Variants in ROBO1 observed in about 807,000 individuals in gnomAD.
The protein encoded by ROBO1 is roundabout homolog 1.
ROBO1 carries 149 observed loss-of-function variants against 195.9 expected under a neutral mutation model. That is an observed-to-expected ratio of 0.76 (90% CI 0.67 to 0.87). The LOEUF (loss-of-function observed/expected upper bound fraction) is 0.87. Among genes scored for constraint, ROBO1 ranks in the 40% least tolerant of loss-of-function variants. The pLI is 0.00. For synonymous variants in ROBO1, 816 were observed against 733.2 expected, an observed-to-expected ratio of 1.11 and a Z score of -1.82; for missense variants, 1,933 against 2,068.3, an observed-to-expected ratio of 0.93 and a Z score of 1.27.
intron 2 of ROBO1, among the ~76,000 whole-genome samples, chr3:79,325,808 G>A (rs189318577): frequency 1.9e-4 from 29 of 152,230 alleles, no homozygotes; most frequent in African/African-American, 6.7e-4. Flanking sequence ...AAAAGAACAG[G>A]ATAACAGCAA....
chr3:79,337,501 C>A (rs2034728164), intron 2 of ROBO1, among the ~76,000 whole-genome samples: 1 of 152,084 alleles, frequency 6.6e-6, no homozygotes, highest in African/African-American at 2.4e-5. Context: ...TGTTTGCTTC[C>A]CCTTCTGCAA....
chr3:79,041,964 T>C (rs774590765), intron 3 of ROBO1, among the ~76,000 whole-genome samples: 1 of 152,158 alleles, frequency 6.6e-6, no homozygotes, highest in Non-Finnish European at 1.5e-5. Context: ...GGTGAGACTA[T>C]AGCATGACCA....
chr3:79,398,010 T>C (rs1214037451), intron 2 of ROBO1, among the ~76,000 whole-genome samples: 1 of 152,238 alleles, frequency 6.6e-6, no homozygotes, highest in African/African-American at 2.4e-5. Flanking sequence ...AAAATATTTC[T>C]ATTCTTCTTT....
intron 2 of ROBO1, among the ~76,000 whole-genome samples, chr3:79,257,602 T>A (rs2108930045): frequency 6.6e-6 from 1 of 152,212 alleles, no homozygotes. Flanking sequence ...GTTGTTCACA[T>A]TCCATTAGCT....
At chr3:79,551,611 T>C (rs925894023) in intron 2 of ROBO1, among the ~76,000 whole-genome samples, 7 of 152,028 alleles carry the variant, frequency 4.6e-5, no homozygotes, top group African/African-American at 1.4e-4. Flanking sequence ...AAAGAAAATA[T>C]TAATCTAGGC....
At chr3:79,236,005 A>G (rs1047384142) in intron 2 of ROBO1, among the ~76,000 whole-genome samples, 9 of 152,076 alleles carry the variant, frequency 5.9e-5, no homozygotes, top group African/African-American at 2.2e-4. Flanking sequence ...CAGAGAAGTT[A>G]TCATTTCCCC....
At chr3:79,607,399 A>G (rs898685234) in intron 1 of ROBO1, among the ~76,000 whole-genome samples, 3 of 151,670 alleles carry the variant, frequency 2.0e-5, no homozygotes, top group Admixed American at 6.6e-5. Context: ...AGTTTTGTTC[A>G]TTTGATGGAA....
At chr3:79,222,573 A>G (rs534185996) in intron 2 of ROBO1, among the ~76,000 whole-genome samples, 8 of 151,922 alleles carry the variant, frequency 5.3e-5, no homozygotes, top group Admixed American at 1.3e-4. Flanking sequence ...TCTCCTTTCT[A>G]TCACTTTTTG....
At chr3:79,290,915 A>C (rs895229992) in intron 2 of ROBO1, among the ~76,000 whole-genome samples, 8 of 152,124 alleles carry the variant, frequency 5.3e-5, no homozygotes, top group Non-Finnish European at 1.2e-4. Context: ...AAGACATTGA[A>C]CTATTCTATA....
chr3:79,222,702 T>A (rs2082161561), intron 2 of ROBO1, among the ~76,000 whole-genome samples: 1 of 152,070 alleles, frequency 6.6e-6, no homozygotes, highest in Non-Finnish European at 1.5e-5. Context: ...TGTTGAGCAT[T>A]AAGATTTATG....
chr3:79,766,147 C>T (rs752083481), intron 1 of ROBO1, among the ~76,000 whole-genome samples: 1 of 151,980 alleles, frequency 6.6e-6, no homozygotes, highest in Admixed American at 6.6e-5. Flanking sequence ...AAATCTGCCC[C>T]CTTTAGTGCC....
intron 2 of ROBO1, among the ~76,000 whole-genome samples, chr3:79,441,044 TA>T (rs1439724782): frequency 6.6e-6 from 1 of 152,170 alleles, no homozygotes; most frequent in Non-Finnish European, 1.5e-5. Context: ...TAGTCATGCT[TA>T]TTTTTTTATT....
Position 79,444,488 on chromosome 3 carries a change from C to T in ROBO1, c.88+145336G>A, listed in dbSNP as rs534839742. Among the ~76,000 whole-genome samples, 6 of 152,116 alleles carry T rather than the reference C, an allele frequency of 3.9e-5. No individual in the cohort carries two copies. In the East Asian group the frequency reaches 7.7e-4, roughly 20 times the overall value. ...AGTGTTTGCAAGGATACTGAGAAGCCGACATTTCCTCTTCTGCTAGTAAGA... is the reference window on the plus strand; with the variant it reads ...AGTGTTTGCAAGGATACTGAGAAGCTGACATTTCCTCTTCTGCTAGTAAGA... On this transcript the variant is annotated intron_variant, in intron 2 of 30. Transcript: ENST00000464233.
intron 3 of ROBO1, among the ~76,000 whole-genome samples, chr3:79,093,451 C>T (rs1316634424): frequency 6.6e-6 from 1 of 152,002 alleles, no homozygotes; most frequent in Admixed American, 6.6e-5. Flanking sequence ...ACAACTTACA[C>T]CAACAAAAGA....
chr3:79,019,623 G>A (rs2078055890), intron 3 of ROBO1, among the ~76,000 whole-genome samples: 1 of 152,106 alleles, frequency 6.6e-6, no homozygotes. Context: ...CCACAAGCCA[G>A]GGGTGCCCAA....
chr3:79,245,313 T>G lies in ROBO1; in HGVS notation c.89-119774A>C, dbSNP rs1017945093. 2.4e-4 allele frequency among the ~76,000 whole-genome samples: 37 copies of G among 152,256 alleles called. No individual in the cohort carries two copies. In the Middle Eastern group the frequency reaches 0.01, roughly 42 times the overall value. On this transcript the variant is annotated intron_variant, in intron 2 of 30. Coordinates refer to ENST00000464233, the MANE Select transcript of ROBO1 (RefSeq NM_002941.4). Reference sequence around the variant, plus strand: ...CAAACTACTGAGAGACATCTACATATTCTTTCAAATTTATACTTCATACAG... The same window carrying G: ...CAAACTACTGAGAGACATCTACATAGTCTTTCAAATTTATACTTCATACAG...
At chr3:78,763,835 G>A (rs140478809) in intron 4 of ROBO1, among the ~76,000 whole-genome samples, 4 of 152,216 alleles carry the variant, frequency 2.6e-5, no homozygotes, top group African/African-American at 4.8e-5. Context: ...ACCTCTTACC[G>A]TATACCTCAA....
chr3:78,657,092 A>T lies in ROBO1; in HGVS notation c.2614+6T>A. 6.2e-7 allele frequency: 1 copy of T among 1,600,024 alleles called. No individual in the cohort carries two copies. Among genetic ancestry groups the T allele is most frequent in the Non-Finnish European group, 8.5e-7 (1 of 1,173,090 alleles). On this transcript the variant is annotated splice_donor_region_variant and intron_variant, in intron 18 of 30. Coordinates refer to ENST00000464233, the MANE Select transcript of ROBO1 (RefSeq NM_002941.4). ...ATTGTCAAACTGGATCTGCACTGAC[A>T]CTCACCCAGCTGGATGAACTGAGGC...
At chr3:79,301,207 C>A (rs1324511134) in intron 2 of ROBO1, among the ~76,000 whole-genome samples, 2 of 152,130 alleles carry the variant, frequency 1.3e-5, no homozygotes, top group African/African-American at 4.8e-5. Context: ...GACCACGAAC[C>A]CACCAGAAGA....
Sources: gnomAD v4.1 joint callset for allele counts (sites outside exome capture counted in the v4.1 genomes callset) on GRCh38, gnomAD v4.1.1 for gene constraint, MANE v1.5 for transcripts, NCBI Gene and HGNC (gene_info 2026-07-23, HGNC 2026-07-21) for gene names.